SPMIP2: variants seen among roughly 807,000 people sequenced by gnomAD.
The protein encoded by SPMIP2 is protein SPMIP2.
At chr4:158,944,689 G>A in the SPMIP2 span, among the ~76,000 whole-genome samples, 1 of 152,178 alleles carries the variant, frequency 6.6e-6, no homozygotes, top group Non-Finnish European at 1.5e-5. Flanking sequence ...TGCTGTGTCT[G>A]AGTTGATCTG....
the SPMIP2 span, among the ~76,000 whole-genome samples, chr4:159,041,843 GCACAATAGTGTTATGA>G: frequency 1.8e-4 from 28 of 152,284 alleles, no homozygotes; most frequent in African/African-American, 6.3e-4. Flanking sequence ...CTTGTTATCT[GCACAATAGTGTTATGA>G]CACAGAATTA....
At chr4:159,052,417 A>G in the SPMIP2 span, among the ~76,000 whole-genome samples, 5 of 151,658 alleles carry the variant, frequency 3.3e-5, no homozygotes, top group African/African-American at 4.9e-5. Context: ...AACCAACACA[A>G]CCCCTGCACA....
the SPMIP2 span, among the ~76,000 whole-genome samples, chr4:159,003,510 T>C: frequency 6.6e-6 from 1 of 152,204 alleles, no homozygotes; most frequent in African/African-American, 2.4e-5. Flanking sequence ...ACTTCTGTTA[T>C]TTCCATCACC....
the SPMIP2 span, among the ~76,000 whole-genome samples, chr4:158,940,398 A>G: frequency 7.9e-5 from 12 of 152,178 alleles, no homozygotes; most frequent in Non-Finnish European, 1.8e-4. Flanking sequence ...CAACCCAAGG[A>G]AACAATTCAT....
At chr4:159,058,201 T>C in the SPMIP2 span, among the ~76,000 whole-genome samples, 3 of 151,668 alleles carry the variant, frequency 2.0e-5, no homozygotes, top group African/African-American at 2.4e-5. Context: ...TTTTTTTTTC[T>C]TTAAAATTCT....
chr4:159,033,798 G>C, the SPMIP2 span, among the ~76,000 whole-genome samples: 1 of 152,046 alleles, frequency 6.6e-6, no homozygotes, highest in East Asian at 1.9e-4. Flanking sequence ...CCATAAATAT[G>C]CATTTGATTA....
chr4:158,955,472 T>C, the SPMIP2 span, among the ~76,000 whole-genome samples: 1 of 152,230 alleles, frequency 6.6e-6, no homozygotes, highest in Non-Finnish European at 1.5e-5. Context: ...TTCCATGATC[T>C]CAGCTCACTG....
chr4:159,080,924 C>T, the SPMIP2 span, among the ~76,000 whole-genome samples: 7 of 152,134 alleles, frequency 4.6e-5, no homozygotes, highest in Non-Finnish European at 7.3e-5. Flanking sequence ...GGGTTTTCAC[C>T]GTGTTAGCCA....
the SPMIP2 span, among the ~76,000 whole-genome samples, chr4:158,993,960 C>T: frequency 6.6e-6 from 1 of 152,234 alleles, no homozygotes; most frequent in African/African-American, 2.4e-5. Flanking sequence ...GACCATAATA[C>T]CTTCCTTAAC....
the SPMIP2 span, among the ~76,000 whole-genome samples, chr4:159,070,061 T>G: frequency 5.3e-5 from 8 of 151,724 alleles, no homozygotes; most frequent in Non-Finnish European, 1.2e-4. Context: ...TTTTTTTTTG[T>G]AACAACAATT....
chr4:158,905,978 G>A, the SPMIP2 span: 2 of 152,124 alleles, frequency 1.3e-5, no homozygotes, highest in African/African-American at 4.8e-5. Flanking sequence ...CCCTATTAGG[G>A]ACTAGAATGA....
chr4:158,992,630 A>G, the SPMIP2 span, among the ~76,000 whole-genome samples: 3 of 152,224 alleles, frequency 2.0e-5, no homozygotes, highest in African/African-American at 2.4e-5. Flanking sequence ...ATTTGTTTTC[A>G]TACAGTTATG....
At chr4:158,974,326 T>C in the SPMIP2 span, among the ~76,000 whole-genome samples, 1 of 152,200 alleles carries the variant, frequency 6.6e-6, no homozygotes, top group Non-Finnish European at 1.5e-5. Flanking sequence ...TTTATTATGA[T>C]ACTTTAAGTT....
chr4:158,974,783 C>G, the SPMIP2 span, among the ~76,000 whole-genome samples: 1 of 152,136 alleles, frequency 6.6e-6, no homozygotes, highest in Non-Finnish European at 1.5e-5. Context: ...GTGCATGTGT[C>G]TTTATAGTAG....
chr4:158,897,091 T>C, the SPMIP2 span, among the ~76,000 whole-genome samples: 3 of 148,190 alleles, frequency 2.0e-5, no homozygotes, highest in East Asian at 6.2e-4. Flanking sequence ...GCACATGCGG[T>C]GTTTGGTTTT....
chr4:158,976,870 C>T, the SPMIP2 span, among the ~76,000 whole-genome samples: 3 of 151,918 alleles, frequency 2.0e-5, no homozygotes, highest in African/African-American at 7.3e-5. Context: ...CCATGTTGGC[C>T]ACGATGGTCT....
the SPMIP2 span, among the ~76,000 whole-genome samples, chr4:159,037,785 TACACACACACACACACACAC>T: frequency 5.0e-5 from 6 of 118,922 alleles, no homozygotes; most frequent in Admixed American, 2.5e-4. Context: ...AAACAATATA[TACACACACACACACACACAC>T]ACACACACAC....
At chr4:158,945,167 G>C in the SPMIP2 span, among the ~76,000 whole-genome samples, 2 of 152,084 alleles carry the variant, frequency 1.3e-5, no homozygotes. Flanking sequence ...TGTTACTGAG[G>C]TCCGCTCTTC....
chr4:158,897,555 C>A, the SPMIP2 span, among the ~76,000 whole-genome samples: 1 of 152,180 alleles, frequency 6.6e-6, no homozygotes, highest in Non-Finnish European at 1.5e-5. Flanking sequence ...GAGATGGTAT[C>A]TCATTGTGGT....
Sources: allele counts gnomAD v4.1 joint callset (sites outside exome capture counted in the v4.1 genomes callset), GRCh38; gene constraint gnomAD v4.1.1; transcripts MANE v1.5; gene names NCBI Gene and HGNC (gene_info 2026-07-23, HGNC 2026-07-21).